The following VASH2 variants were observed in gnomAD, a reference collection of about 807,000 sequenced individuals.
VASH2 encodes vasohibin 2, also known as tubulinyl-Tyr carboxypeptidase 2.
VASH2 carries 28 observed loss-of-function variants against 37.2 expected under a neutral mutation model. That is an observed-to-expected ratio of 0.75 (90% CI 0.56 to 1.03). The LOEUF (loss-of-function observed/expected upper bound fraction) is 1.03. Among genes scored for constraint, VASH2 ranks in the 50% least tolerant of loss-of-function variants. The pLI, the probability that VASH2 is intolerant of heterozygous loss-of-function variation, is 0.00. For synonymous variants in VASH2, 188 were observed against 174.7 expected (o/e 1.08, Z -0.60); for missense variants, 419 against 459.1 (o/e 0.91, Z 0.80).
rs553202225 is a variant in VASH2 at position 212,968,112 on chromosome 1, G to A, written c.497+1767G>A. On this transcript the variant is annotated intron_variant, in intron 5 of 7. Coordinates refer to ENST00000517399, the MANE Select transcript of VASH2 (RefSeq NM_001301056.2). ...TTTAGGGAAAGATGAGCTCAGATTT[G>A]GACATGTGAAATTTGAGGTGCCTTG... is the stretch of plus-strand genomic sequence containing the variant. 24 of 694,982 alleles carry A rather than the reference G, an allele frequency of 3.5e-5. 2 individuals carry two copies. The East Asian group carries it at 1.7e-3, about 51-fold the overall frequency. The allele number at this position is 694,982 out of a possible 1,614,324, so 43.1% of individuals were successfully genotyped here.
intron 7 of VASH2, among the ~76,000 whole-genome samples, chr1:212,978,032 C>A (rs1303606754): frequency 6.6e-6 from 1 of 152,190 alleles, no homozygotes; most frequent in Non-Finnish European, 1.5e-5. Context: ...TTTAGGGGCT[C>A]AGCCTTGTCC....
chr1:212,951,605 G>A lies in VASH2; in HGVS notation c.63G>A (p.Arg21=), dbSNP rs1343864491. ...CPHPKGAKGT[R]SRSSHARPVS... ...ACCCCAAAGGCGCCAAAGGCACCCGGTCCCGGAGCAGCCACGCGCGGCCCG... is the reference window on the plus strand; with the variant it reads ...ACCCCAAAGGCGCCAAAGGCACCCGATCCCGGAGCAGCCACGCGCGGCCCG... Residue 21 remains arginine (R), a synonymous_variant, in exon 2 of 8, where the codon CGG becomes CGA. Coordinates refer to ENST00000517399, the MANE Select transcript of VASH2 (RefSeq NM_001301056.2). The surrounding 1 kb of genome is among the most constrained non-coding windows in gnomAD (Gnocchi z 4.4). 3 of 1,555,380 alleles carry A rather than the reference G, an allele frequency of 1.9e-6. No individual in the cohort carries two copies. The highest frequency in any genetic ancestry group is 1.7e-6 in the Non-Finnish European group (2 of 1,149,942).
intron 2 of VASH2, 88 bp from the exon 3 acceptor site, chr1:212,961,078 T>C: frequency 7.8e-7 from 1 of 1,283,442 alleles, no homozygotes; most frequent in South Asian, 1.2e-5. Context: ...CCTCTCTCTC[T>C]GGTGGCTTTA....
intron 7 of VASH2, among the ~76,000 whole-genome samples, chr1:212,985,763 C>T (rs1008495197): frequency 6.6e-5 from 10 of 152,262 alleles, no homozygotes; most frequent in African/African-American, 2.4e-4. Flanking sequence ...CTTCCATGTT[C>T]CCATCAGCAG....
At chr1:212,981,167 T>A (rs1215896836) in intron 7 of VASH2, among the ~76,000 whole-genome samples, 1 of 152,204 alleles carries the variant, frequency 6.6e-6, no homozygotes, top group East Asian at 1.9e-4. Flanking sequence ...AGTTGGCCTA[T>A]GGCCAGAGTC....
intron 5 of VASH2, chr1:212,967,595 A>G (rs544030048): frequency 3.1e-4 from 103 of 331,746 alleles, no homozygotes; most frequent in African/African-American, 1.7e-3. Flanking sequence ...ATGCTTAGGT[A>G]TATGCTCTAG....
chr1:212,969,207 T>G (rs1666934968), intron 5 of VASH2: 9 of 984,968 alleles, frequency 9.1e-6, no homozygotes, highest in Non-Finnish European at 9.6e-6. Flanking sequence ...TTTTTTTTTT[T>G]TTTGAGACGG....
Position 212,951,576 on chromosome 1 carries a change from C to T in VASH2, c.34C>T (p.Pro12Ser), listed in dbSNP as rs1363955409. 1 of 1,542,174 alleles carries T rather than the reference C, an allele frequency of 6.5e-7. No homozygotes were observed. Among genetic ancestry groups the T allele is most frequent in the East Asian group, 2.4e-5 (1 of 40,886 alleles). ...CTCCGCGGCCGACACTCACCGCTGC[C>T]CCCACCCCAAAGGCGCCAAAGGCAC... is the stretch of plus-strand genomic sequence containing the variant. Reference protein sequence around the residue: ...TGSAADTHRCPHPKGAKGTRS... With the variant: ...TGSAADTHRCSHPKGAKGTRS... The change falls in exon 2 of 8, where the codon CCC (proline) becomes TCC (serine). Residue 12 changes from proline to serine, a missense_variant. Transcript: ENST00000517399. The surrounding 1 kb of genome is among the most constrained non-coding windows in gnomAD (Gnocchi z 4.4).
chr1:212,954,252 C>T (rs1553271485), intron 2 of VASH2, among the ~76,000 whole-genome samples: 1 of 152,180 alleles, frequency 6.6e-6, no homozygotes, highest in Non-Finnish European at 1.5e-5. Flanking sequence ...CAGACCAACT[C>T]ACCCTCCTCC....
chr1:212,962,009 G>A (rs1350858160), intron 3 of VASH2, among the ~76,000 whole-genome samples: 3 of 152,204 alleles, frequency 2.0e-5, no homozygotes, highest in Non-Finnish European at 4.4e-5. Context: ...ACCTGGTGCT[G>A]CCTTTGTCTC....
chr1:212,971,694 C>T lies in VASH2; in HGVS notation c.498-886C>T, dbSNP rs1667015151. ...CTTTCTTTCTAGAGAGTGGAGGCAT[C>T]CGTGATTAAACCGAGAGCAGAGGAC... On this transcript the variant is annotated intron_variant, in intron 5 of 7. Coordinates refer to ENST00000517399, the MANE Select transcript of VASH2 (RefSeq NM_001301056.2). The surrounding 1 kb of genome is among the most constrained non-coding windows in gnomAD (Gnocchi z 4.0). Among the ~76,000 whole-genome samples the T allele has an allele frequency of 6.6e-6, 1 of 152,096 alleles. No homozygotes were observed. Among genetic ancestry groups the T allele is most frequent in the African/African-American group, 2.4e-5 (1 of 41,432 alleles).
chr1:212,965,016 A>C (rs115007735), intron 3 of VASH2, among the ~76,000 whole-genome samples: 1,943 of 151,140 alleles, frequency 0.013, 48 homozygotes, highest in African/African-American at 0.044. Flanking sequence ...TGCCTCTTAG[A>C]TTCAAGTGAT....
intron 7 of VASH2, among the ~76,000 whole-genome samples, chr1:212,985,661 C>T (rs1243892106): frequency 2.0e-5 from 3 of 152,100 alleles, no homozygotes; most frequent in African/African-American, 4.8e-5. Flanking sequence ...AAATGATCCA[C>T]CCACCTCAGC....
At chr1:212,976,112 G>A (rs897096090) in intron 7 of VASH2, among the ~76,000 whole-genome samples, 12 of 152,178 alleles carry the variant, frequency 7.9e-5, no homozygotes, top group Admixed American at 4.6e-4. Context: ...GTGGAGGAAG[G>A]AGAGTTTGAG....
intron 4 of VASH2, 82 bp from the exon 5 acceptor site, chr1:212,966,189 C>A: frequency 2.4e-6 from 3 of 1,228,974 alleles, no homozygotes; most frequent in Non-Finnish European, 3.5e-6. Context: ...GGTGTGGGGA[C>A]AGGCATGCTG....
intron 7 of VASH2, among the ~76,000 whole-genome samples, chr1:212,976,343 G>C (rs1667171890): frequency 1.3e-5 from 2 of 152,322 alleles, no homozygotes; most frequent in Admixed American, 1.3e-4. Flanking sequence ...CACTTTGAGA[G>C]GCCAAGGAGC....
intron 7 of VASH2, among the ~76,000 whole-genome samples, chr1:212,983,230 A>T (rs1193669967): frequency 2.0e-5 from 3 of 152,182 alleles, no homozygotes; most frequent in African/African-American, 7.2e-5. Context: ...TCTGGAACAG[A>T]TGTTGTCTTA....
rs573593450 is a variant in VASH2 at position 212,967,306 on chromosome 1, C to T, written c.497+961C>T. 2.9e-4 allele frequency: 363 copies of T among 1,247,468 alleles called. 9 individuals carry two copies. The South Asian group carries it at 4.5e-3, about 16-fold the overall frequency. The allele number at this position is 1,247,468 out of a possible 1,614,324, so 77.3% of individuals were successfully genotyped here. A position where few individuals can be genotyped will look rare whatever the true frequency, so the allele number is the denominator to read the frequency against. ...CAATTTTATACATTCGAGCATCATG[C>T]CATTGGAATCACCCACAACCCTTTG... On this transcript the variant is annotated intron_variant, in intron 5 of 7. Transcript: ENST00000517399.
At chr1:212,955,837 T>C (rs757198610) in intron 2 of VASH2, among the ~76,000 whole-genome samples, 4 of 152,144 alleles carry the variant, frequency 2.6e-5, no homozygotes, top group Admixed American at 6.5e-5. Context: ...GCATCTCCTT[T>C]CCTCCCCCAT....
Sources: gnomAD v4.1 joint callset for allele counts (sites outside exome capture counted in the v4.1 genomes callset) on GRCh38, gnomAD v4.1.1 for gene constraint, Gnocchi (gnomAD v3.1) non-coding constraint, MANE v1.5 for transcripts, NCBI Gene and HGNC (gene_info 2026-07-23, HGNC 2026-07-21) for gene names.